HIBCH: variants seen among roughly 807,000 people sequenced by gnomAD.
HIBCH encodes the protein 3-hydroxyisobutyryl-CoA hydrolase, also known as 3-hydroxyisobutyryl-CoA hydrolase, mitochondrial.
HIBCH carries 50 observed loss-of-function variants against 58.2 expected under a neutral mutation model. The observed-to-expected ratio is 0.86, with a 90% CI of 0.68 to 1.09. The LOEUF is 1.09. Among genes scored for constraint, HIBCH ranks in the 50% least tolerant of loss-of-function variants. HIBCH has a pLI of 0.00. For missense variants in HIBCH, 450 were observed against 449.7 expected (o/e 1.00, Z -0.01); for synonymous variants, 151 against 146.9 (o/e 1.03, Z -0.20).
At chr2:190,205,280 T>G in intron 13 of HIBCH, 48 bp from the exon 14 acceptor site, 2 of 1,031,582 alleles carry the variant, frequency 1.9e-6, no homozygotes, top group South Asian at 2.6e-5. Flanking sequence ...TTGTCTAATA[T>G]TGCTAGATTT....
chr2:190,273,091 G>A lies in HIBCH; in HGVS notation c.439-11857C>T, dbSNP rs766311838. 2.6e-5 allele frequency among the ~76,000 whole-genome samples: 4 copies of A among 152,180 alleles called. No homozygotes were observed. The Middle Eastern group carries it at 0.01, about 388-fold the overall frequency. ...CTGAAATTTTACTATAAGAAACTAC[G>A]CAACTCAAAGCAATCCTACGGCCAG... On this transcript the variant is annotated intron_variant, in intron 6 of 13. Transcript: ENST00000359678.
intron 2 of HIBCH, among the ~76,000 whole-genome samples, chr2:190,303,800 G>A (rs1688331817): frequency 1.3e-5 from 2 of 152,218 alleles, no homozygotes; most frequent in Admixed American, 6.5e-5. Context: ...TTACACAAAA[G>A]GATAAAAGTT....
intron 1 of HIBCH, among the ~76,000 whole-genome samples, chr2:190,313,158 T>C (rs1688603061): frequency 6.6e-6 from 1 of 152,238 alleles, no homozygotes; most frequent in African/African-American, 2.4e-5. Flanking sequence ...TTTGTGCTAG[T>C]AACTCTTTGT....
At chr2:190,313,235 T>A (rs1416459918) in intron 1 of HIBCH, among the ~76,000 whole-genome samples, 2 of 151,946 alleles carry the variant, frequency 1.3e-5, no homozygotes, top group African/African-American at 4.8e-5. Context: ...CCTATTCCCC[T>A]TATTTAAAAA....
At chr2:190,272,866 A>G (rs1687440476) in intron 6 of HIBCH, among the ~76,000 whole-genome samples, 1 of 152,144 alleles carries the variant, frequency 6.6e-6, no homozygotes, top group South Asian at 2.1e-4. Flanking sequence ...AATGGGGTAT[A>G]GGAAGCTAAA....
chr2:190,232,447 A>G (rs1399434166), intron 11 of HIBCH, among the ~76,000 whole-genome samples: 4 of 152,140 alleles, frequency 2.6e-5, no homozygotes, highest in Non-Finnish European at 2.9e-5. Flanking sequence ...CTGTGTGCCA[A>G]GTCTCTAATG....
chr2:190,195,171 T>G (rs979581395), intron 1 of HIBCH, among the ~76,000 whole-genome samples: 1 of 152,214 alleles, frequency 6.6e-6, no homozygotes, highest in African/African-American at 2.4e-5. Context: ...CTCATTTATT[T>G]TTAATGCTGA....
intron 7 of HIBCH, among the ~76,000 whole-genome samples, chr2:190,259,319 A>ATATG (rs1356514373): frequency 1.9e-4 from 23 of 122,208 alleles, no homozygotes; most frequent in African/African-American, 5.8e-4. Context: ...CAGTATACAG[A>ATATG]TGTGTGTGTG....
At chr2:190,283,437 T>C (rs1056658278) in intron 6 of HIBCH, among the ~76,000 whole-genome samples, 6 of 152,210 alleles carry the variant, frequency 3.9e-5, no homozygotes, top group African/African-American at 1.4e-4. Context: ...AAGAACTCCT[T>C]TGCCTCCCTT....
At chr2:190,198,746 T>G (rs1465139862) in intron 1 of HIBCH, among the ~76,000 whole-genome samples, 1 of 151,930 alleles carries the variant, frequency 6.6e-6, no homozygotes, top group Non-Finnish European at 1.5e-5. Flanking sequence ...ATCTCATTCA[T>G]AGAGATTACC....
At position 190,197,976 on chromosome 2, in the gene HIBCH, T is replaced by C. The variant is rs546396727; in HGVS notation, c.*17+7124A>G. Among the ~76,000 whole-genome samples, 1 of 152,164 alleles carries C rather than the reference T, an allele frequency of 6.6e-6. No individual in the cohort carries two copies. The highest frequency in any genetic ancestry group is 1.5e-5 in the Non-Finnish European group (1 of 68,026). On this transcript the variant is annotated intron_variant, in intron 1 of 1. Transcript: ENST00000399855. The surrounding 1 kb of genome is among the most constrained non-coding windows in gnomAD (Gnocchi z 4.0). Reference sequence around the variant, plus strand: ...CTTAACCATCCCTCACAGTAAAAACTAGACACTATGAAAAATCATAACATG... The same window carrying C: ...CTTAACCATCCCTCACAGTAAAAACCAGACACTATGAAAAATCATAACATG...
intron 1 of HIBCH, among the ~76,000 whole-genome samples, chr2:190,196,009 G>A (rs2105883021): frequency 7.8e-6 from 1 of 128,824 alleles, no homozygotes; most frequent in East Asian, 2.3e-4. Flanking sequence ...AAAAGACTAT[G>A]TATGTGTGGT....
intron 6 of HIBCH, among the ~76,000 whole-genome samples, chr2:190,267,897 C>T (rs1687286925): frequency 6.6e-6 from 1 of 152,152 alleles, no homozygotes; most frequent in Non-Finnish European, 1.5e-5. Context: ...AGTCCAGCTT[C>T]AAATTCTCTG....
intron 7 of HIBCH, among the ~76,000 whole-genome samples, chr2:190,255,758 C>T (rs112034954): frequency 1.3e-5 from 2 of 151,860 alleles, no homozygotes; most frequent in South Asian, 4.2e-4. Flanking sequence ...AGTACCAGAG[C>T]GGAGAGAGCT....
chr2:190,190,162 A>G (rs945404208), intron 1 of HIBCH, among the ~76,000 whole-genome samples: 3 of 152,238 alleles, frequency 2.0e-5, no homozygotes, highest in Admixed American at 6.5e-5. Context: ...TAACTAACAT[A>G]CCAATTAAGA....
At chr2:190,237,566 G>A (rs1027226799) in intron 11 of HIBCH, among the ~76,000 whole-genome samples, 19 of 151,944 alleles carry the variant, frequency 1.3e-4, no homozygotes, top group South Asian at 4.2e-4. Context: ...GATAAATCTC[G>A]CAGAGTGGGG....
chr2:190,312,333 G>A (rs1305266591), intron 1 of HIBCH, among the ~76,000 whole-genome samples: 2 of 152,200 alleles, frequency 1.3e-5, no homozygotes, highest in Non-Finnish European at 2.9e-5. Flanking sequence ...ACTATAGTTA[G>A]AATATACTAA....
At position 190,276,293 on chromosome 2, in the gene HIBCH, T is replaced by TA. The variant is rs145441518; in HGVS notation, c.438+11292dup. ...CATACACTATGTAAATGCCCCTACT[T>TA]ACTCCGCTCATCAAACAAGGGCAAT... On this transcript the variant is annotated intron_variant, in intron 6 of 13. Coordinates refer to ENST00000359678, the MANE Select transcript of HIBCH (RefSeq NM_014362.4). Among the ~76,000 whole-genome samples, 1,029 of 152,290 alleles carry TA rather than the reference T, an allele frequency of 6.8e-3. 13 individuals carry two copies. The highest frequency in any genetic ancestry group is 0.022 in the African/African-American group (935 of 41,564).
chr2:190,249,314 G>A (rs1366808241), intron 9 of HIBCH, among the ~76,000 whole-genome samples: 1 of 152,134 alleles, frequency 6.6e-6, no homozygotes, highest in East Asian at 1.9e-4. Flanking sequence ...TAAATGTCAA[G>A]AGTTTGCATC....
Sources: allele counts gnomAD v4.1 joint callset (sites outside exome capture counted in the v4.1 genomes callset), GRCh38; gene constraint gnomAD v4.1.1; non-coding constraint Gnocchi (gnomAD v3.1); transcripts MANE v1.5; gene names NCBI Gene and HGNC (gene_info 2026-07-23, HGNC 2026-07-21).